PCDHGA11: variants seen among roughly 807,000 people sequenced by gnomAD.
PCDHGA11 encodes the protein protocadherin gamma-A11.
A neutral mutation model predicts 60.4 loss-of-function variants in PCDHGA11; 39 were observed. The observed-to-expected ratio is 0.65, with a 90% CI of 0.50 to 0.84. PCDHGA11 has a LOEUF of 0.84. Ranked by LOEUF, PCDHGA11 falls within the 40% of genes least tolerant of loss-of-function variation. The pLI is 0.00. For missense variants in PCDHGA11, 1,165 were observed against 1,197.7 expected, an observed-to-expected ratio of 0.97 and a Z score of 0.40; for synonymous variants, 533 against 510.3, an observed-to-expected ratio of 1.04 and a Z score of -0.60.
Position 141,423,076 on chromosome 5 carries a change from C to A in PCDHGA11, c.1849C>A (p.Leu617Ile). 1 of 1,614,128 alleles carries A rather than the reference C, an allele frequency of 6.2e-7. No homozygotes were observed. Among genetic ancestry groups the A allele is most frequent in the Non-Finnish European group, 8.5e-7 (1 of 1,180,030 alleles). ...YRLLKASEPGLFAVGEHTGEV... is the reference protein window; with the variant it reads ...YRLLKASEPGIFAVGEHTGEV... Reference sequence around the variant, plus strand: ...CCTGCTTAAGGCCAGCGAGCCGGGACTCTTCGCGGTGGGGGAGCACACGGG... The same window carrying A: ...CCTGCTTAAGGCCAGCGAGCCGGGAATCTTCGCGGTGGGGGAGCACACGGG... The change falls in exon 1 of 4, where the codon CTC (leucine) becomes ATC (isoleucine). Residue 617 changes from leucine (L) to isoleucine (I), a missense_variant. Physicochemically the swap from Leu to Ile is conservative, Grantham distance 5. Transcript: ENST00000398587.
intron 1 of PCDHGA11, among the ~76,000 whole-genome samples, chr5:141,483,203 A>T (rs940487337): frequency 1.3e-5 from 2 of 152,204 alleles, no homozygotes; most frequent in African/African-American, 2.4e-5. Flanking sequence ...ATTTTATTCC[A>T]TATAGATGAC....
Position 141,478,516 on chromosome 5 carries a change from G to A in PCDHGA11, c.2434-16291G>A, listed in dbSNP as rs769702987. The A allele has an allele frequency of 4.3e-6, 7 of 1,610,992 alleles. No homozygotes were observed. In the African/African-American group the frequency reaches 8.0e-5, roughly 18 times the overall value. ...GTGATCCGGTGTTCTATAGGCAGGT[G>A]TTGGGTGCAGAGAGCGCCCCTCCCG... On this transcript the variant is annotated intron_variant, in intron 1 of 3. Transcript: ENST00000398587.
chr5:141,484,236 G>C (rs1272971014), intron 1 of PCDHGA11, among the ~76,000 whole-genome samples: 2 of 152,132 alleles, frequency 1.3e-5, no homozygotes, highest in Non-Finnish European at 2.9e-5. Context: ...AAGAGATCTG[G>C]TCCTTAGCAC....
chr5:141,504,824 C>T (rs537283013), intron 2 of PCDHGA11, among the ~76,000 whole-genome samples: 4 of 152,230 alleles, frequency 2.6e-5, no homozygotes, highest in South Asian at 4.1e-4. Context: ...TAGGTCCCCA[C>T]TTTTTCTCTA....
At chr5:141,458,907 A>AT (rs759653270) in intron 1 of PCDHGA11, among the ~76,000 whole-genome samples, 1 of 151,752 alleles carries the variant, frequency 6.6e-6, no homozygotes, top group Non-Finnish European at 1.5e-5. Context: ...AATTTTTTCT[A>AT]TTTTTTGTGG....
intron 1 of PCDHGA11, chr5:141,441,667 A>C: frequency 3.7e-6 from 1 of 267,984 alleles, no homozygotes; most frequent in Non-Finnish European, 7.4e-6. Flanking sequence ...TTGAGCGCAC[A>C]GTGCGCCTTC....
chr5:141,458,506 A>G (rs1443711702), intron 1 of PCDHGA11, among the ~76,000 whole-genome samples: 1 of 150,282 alleles, frequency 6.7e-6, no homozygotes, highest in Non-Finnish European at 1.5e-5. Flanking sequence ...ATACTGTTTG[A>G]CACTTTGTTT....
Position 141,489,458 on chromosome 5 carries a change from G to T in PCDHGA11, c.2434-5349G>T, listed in dbSNP as rs143138320. 1 of 1,613,924 alleles carries T rather than the reference G, an allele frequency of 6.2e-7. No homozygotes were observed. Among genetic ancestry groups the T allele is most frequent in the Non-Finnish European group, 8.5e-7 (1 of 1,180,000 alleles). On this transcript the variant is annotated intron_variant, in intron 1 of 3. Coordinates refer to ENST00000398587, the MANE Select transcript of PCDHGA11 (RefSeq NM_018914.3). The surrounding 1 kb of genome is among the most constrained non-coding windows in gnomAD (Gnocchi z 4.5). ...CAATTGGGCTCTGAGGAGAATGGGC[G>T]CTATTTTTCCCTGAGCTTGATGAGT...
intron 1 of PCDHGA11, chr5:141,427,456 G>C (rs1172525843): frequency 2.0e-6 from 1 of 492,524 alleles, no homozygotes; most frequent in African/African-American, 1.9e-5. Flanking sequence ...GTTCCTTTTA[G>C]AATCGAATCT....
chr5:141,448,543 G>C (rs1001667281), intron 1 of PCDHGA11, among the ~76,000 whole-genome samples: 3 of 151,988 alleles, frequency 2.0e-5, no homozygotes, highest in Admixed American at 6.6e-5. Context: ...CATTTCTTAT[G>C]CAAATATGTA....
At chr5:141,433,604 G>A (rs2097631609) in intron 1 of PCDHGA11, among the ~76,000 whole-genome samples, 1 of 152,138 alleles carries the variant, frequency 6.6e-6, no homozygotes, top group Non-Finnish European at 1.5e-5. Flanking sequence ...GGGAGGCCGA[G>A]GCGGGTGGAT....
At chr5:141,482,840 G>A (rs1343123459) in intron 1 of PCDHGA11, among the ~76,000 whole-genome samples, 2 of 152,212 alleles carry the variant, frequency 1.3e-5, no homozygotes, top group Admixed American at 6.5e-5. Context: ...GGGAGGCCAA[G>A]GTGGGCAGAT....
chr5:141,428,632 G>A (rs574049916), intron 1 of PCDHGA11: 35 of 182,522 alleles, frequency 1.9e-4, no homozygotes, highest in African/African-American at 7.6e-4. Context: ...CTCTAACTCT[G>A]TTGCTCCTAC....
chr5:141,432,215 C>T lies in PCDHGA11; in HGVS notation c.2433+8555C>T. The T allele has an allele frequency of 1.9e-6, 3 of 1,614,228 alleles. No individual in the cohort carries two copies. The highest frequency in any genetic ancestry group is 2.5e-6 in the Non-Finnish European group (3 of 1,180,036). The stretch of plus-strand genomic sequence containing the variant: ...CGACCCCGACTGTGAAGAGAACGCC[C>T]AGATCACTTATTCCCTGGCTGAGAA... On this transcript the variant is annotated intron_variant, in intron 1 of 3. Transcript: ENST00000398587. This position sits in a 1 kb window ranked among gnomAD's most constrained non-coding sequence, Gnocchi z 6.0.
At chr5:141,430,652 A>G in intron 1 of PCDHGA11, 1 of 1,069,464 alleles carries the variant, frequency 9.4e-7, no homozygotes. Context: ...ATGTGGAAAC[A>G]ACGGAGGAGC....
At chr5:141,503,396 A>G (rs1025780031) in intron 2 of PCDHGA11, among the ~76,000 whole-genome samples, 2 of 151,944 alleles carry the variant, frequency 1.3e-5, no homozygotes, top group African/African-American at 2.4e-5. Flanking sequence ...GGAGTTCGAA[A>G]CCAACCTGGC....
Position 141,431,559 on chromosome 5 carries a change from C to T in PCDHGA11, c.2433+7899C>T. 6.2e-7 allele frequency: 1 copy of T among 1,614,158 alleles called. No individual in the cohort carries two copies. On this transcript the variant is annotated intron_variant, in intron 1 of 3. Transcript: ENST00000398587. The surrounding 1 kb of genome is among the most constrained non-coding windows in gnomAD (Gnocchi z 4.8). ...ACGCAGCTGCTTGTAGTCAACGCTA[C>T]CGACCCTGACGAAGGAGTCAATGCG...
chr5:141,439,669 A>T (rs983024479), intron 1 of PCDHGA11, among the ~76,000 whole-genome samples: 4 of 152,174 alleles, frequency 2.6e-5, no homozygotes, highest in Non-Finnish European at 5.9e-5. Context: ...ATGGAATGCA[A>T]ATCCAAGAGC....
rs2097424370 is a variant in PCDHGA11, at chr5:141,431,859, C to G, written c.2433+8199C>G. On this transcript the variant is annotated intron_variant, in intron 1 of 3. Coordinates refer to ENST00000398587, the MANE Select transcript of PCDHGA11 (RefSeq NM_018914.3). The surrounding 1 kb of genome is among the most constrained non-coding windows in gnomAD (Gnocchi z 4.8). ...AACTCTCCCAGAGGGACATTAATTG[C>G]CCTTTTAAATGTAAATGACCAAGAT... is the stretch of plus-strand genomic sequence containing the variant. The G allele has an allele frequency of 1.2e-6, 2 of 1,614,060 alleles. No individual in the cohort carries two copies. Among genetic ancestry groups the G allele is most frequent in the Middle Eastern group, 3.3e-4 (2 of 6,084 alleles).
Sources: allele counts gnomAD v4.1 joint callset (sites outside exome capture counted in the v4.1 genomes callset), GRCh38; gene constraint gnomAD v4.1.1; non-coding constraint Gnocchi (gnomAD v3.1); transcripts MANE v1.5; gene names NCBI Gene and HGNC (gene_info 2026-07-23, HGNC 2026-07-21).